PPIL1: variants seen among roughly 807,000 people sequenced by gnomAD.
The protein encoded by PPIL1 is peptidyl-prolyl cis-trans isomerase-like 1.
In PPIL1, 14 loss-of-function variants were observed where a neutral mutation model predicts 19.4. The ratio of observed to expected loss-of-function variants is 0.72; its 90% CI spans 0.48 to 1.13. The LOEUF (loss-of-function observed/expected upper bound fraction) is 1.13. Among genes scored for constraint, PPIL1 ranks in the 50% most tolerant of loss-of-function variants. PPIL1 has a pLI of 0.00. For synonymous variants in PPIL1, 72 were observed against 73.6 expected (o/e 0.98, Z 0.11); for missense variants, 192 against 218.0 (o/e 0.88, Z 0.75).
At chr6:36,864,355 ACT>A (rs1774353960) in intron 2 of PPIL1, among the ~76,000 whole-genome samples, 2 of 151,658 alleles carry the variant, frequency 1.3e-5, no homozygotes, top group Non-Finnish European at 2.9e-5. Context: ...ATCTCCTGCC[ACT>A]CTCTCAGGTG....
intron 2 of PPIL1, among the ~76,000 whole-genome samples, chr6:36,860,922 A>G (rs1056007230): frequency 6.6e-6 from 1 of 151,834 alleles, no homozygotes; most frequent in Non-Finnish European, 1.5e-5. Context: ...TGTTTGAGAG[A>G]CTCATCTACT....
At position 36,874,794 on chromosome 6, in the gene PPIL1, C is replaced by T; in HGVS notation, c.-22G>A. ...CCATAGCGAAGCCGGCGGCGGAATG[C>T]TTGTCTAGTAATTGCTACTTCCGGC... On this transcript the variant is annotated 5_prime_UTR_variant, in exon 1 of 4. Transcript: ENST00000373699. 6.2e-7 allele frequency: 1 copy of T among 1,613,466 alleles called. No individual in the cohort carries two copies. Among genetic ancestry groups the T allele is most frequent in the Middle Eastern group, 1.7e-4 (1 of 6,058 alleles).
intron 2 of PPIL1, among the ~76,000 whole-genome samples, chr6:36,867,201 G>A (rs1226150789): frequency 6.6e-6 from 1 of 152,178 alleles, no homozygotes. Flanking sequence ...CCCTAGCTCA[G>A]AACACACATT....
chr6:36,872,315 G>C (rs1774528545), intron 1 of PPIL1, among the ~76,000 whole-genome samples: 2 of 152,012 alleles, frequency 1.3e-5, no homozygotes, highest in African/African-American at 4.8e-5. Flanking sequence ...TAGGGACTGG[G>C]TAGATGGAAA....
intron 2 of PPIL1, among the ~76,000 whole-genome samples, chr6:36,865,713 C>G (rs367557686): frequency 6.6e-6 from 1 of 152,146 alleles, no homozygotes; most frequent in Non-Finnish European, 1.5e-5. Context: ...TAATCCACAC[C>G]GTACTATCAT....
chr6:36,874,450 T>TTGAA lies in PPIL1; in HGVS notation c.56+263_56+266dup, dbSNP rs147444607. On this transcript the variant is annotated intron_variant, in intron 1 of 3. Transcript: ENST00000373699. ...GGCTTGCGGACTCATTACACGTTTG[T>TTGAA]TGAATGAATGAATGAATGAATGAGC... Among the ~76,000 whole-genome samples, 897 of 152,268 alleles carry TTGAA rather than the reference T, an allele frequency of 5.9e-3. 6 individuals are homozygous for TTGAA. The highest frequency in any genetic ancestry group is 0.017 in the African/African-American group (712 of 41,540).
chr6:36,869,155 T>G (rs1162794829), intron 2 of PPIL1, among the ~76,000 whole-genome samples: 1 of 152,020 alleles, frequency 6.6e-6, no homozygotes, highest in Non-Finnish European at 1.5e-5. Flanking sequence ...CAGCTAATTT[T>G]TTATTTTTTG....
At chr6:36,859,647 A>C (rs1774239527) in intron 2 of PPIL1, among the ~76,000 whole-genome samples, 1 of 152,162 alleles carries the variant, frequency 6.6e-6, no homozygotes, top group South Asian at 2.1e-4. Flanking sequence ...ACGTGGAATA[A>C]GTGAGAGGTG....
intron 2 of PPIL1, among the ~76,000 whole-genome samples, chr6:36,863,850 T>C (rs1774340136): frequency 6.6e-6 from 1 of 151,780 alleles, no homozygotes; most frequent in Admixed American, 6.6e-5. Flanking sequence ...GCTGTCTTCC[T>C]TTGGCTTCCA....
chr6:36,872,073 A>T, intron 1 of PPIL1: 1 of 461,932 alleles, frequency 2.2e-6, no homozygotes, highest in East Asian at 4.0e-5. Flanking sequence ...TAAAACACGC[A>T]GGTGTTCTGG....
chr6:36,865,930 T>TC (rs1774385750), intron 2 of PPIL1, among the ~76,000 whole-genome samples: 1 of 152,208 alleles, frequency 6.6e-6, no homozygotes, highest in African/African-American at 2.4e-5. Context: ...AGCTTGCTGT[T>TC]CAACACGTTA....
chr6:36,857,703 G>C (rs546206525), intron 2 of PPIL1, among the ~76,000 whole-genome samples: 1 of 151,302 alleles, frequency 6.6e-6, no homozygotes, highest in South Asian at 2.1e-4. Flanking sequence ...GGACTGCTTT[G>C]AGCCCAGGAG....
intron 2 of PPIL1, among the ~76,000 whole-genome samples, chr6:36,859,811 T>TG (rs1774242627): frequency 1.4e-5 from 2 of 144,884 alleles, no homozygotes; most frequent in African/African-American, 5.2e-5. Context: ...CTGTTTTCTA[T>TG]TGTGTGTGTG....
At chr6:36,862,014 C>T (rs902668286) in intron 2 of PPIL1, among the ~76,000 whole-genome samples, 4 of 152,088 alleles carry the variant, frequency 2.6e-5, no homozygotes, top group African/African-American at 9.7e-5. Flanking sequence ...TTCTTAAAAA[C>T]AAAACACAAA....
chr6:36,873,650 G>A (rs1406949338), intron 1 of PPIL1, among the ~76,000 whole-genome samples: 1 of 152,182 alleles, frequency 6.6e-6, no homozygotes, highest in African/African-American at 2.4e-5. Context: ...ATTACAGGTT[G>A]GAGCCTGAAG....
rs185186786 is a variant in PPIL1, at chr6:36,871,698, T to C, written c.211+20A>G. ...GAGAAAAAAAAAAGAAAACATAAAC[T>C]AATGTTGGCTTAACTGTACCTGTCC... On this transcript the variant is annotated intron_variant, in intron 2 of 3. Coordinates refer to ENST00000373699, the MANE Select transcript of PPIL1 (RefSeq NM_016059.5). 428 of 1,571,906 alleles carry C rather than the reference T, an allele frequency of 2.7e-4. 3 individuals are homozygous for C. Among genetic ancestry groups the C allele is most frequent in the Non-Finnish European group, 9.2e-5 (107 of 1,166,476 alleles).
chr6:36,868,625 C>A (rs1685400061), intron 2 of PPIL1, among the ~76,000 whole-genome samples: 1 of 152,114 alleles, frequency 6.6e-6, no homozygotes, highest in African/African-American at 2.4e-5. Flanking sequence ...ATCACTTAGG[C>A]CCAGGAGTTT....
At chr6:36,861,745 G>A (rs1186524690) in intron 2 of PPIL1, among the ~76,000 whole-genome samples, 3 of 148,118 alleles carry the variant, frequency 2.0e-5, no homozygotes, top group African/African-American at 7.5e-5. Context: ...GGCCCAGGCT[G>A]GAGTGCAATG....
chr6:36,858,820 A>G (rs1774219627), intron 2 of PPIL1, among the ~76,000 whole-genome samples: 1 of 151,904 alleles, frequency 6.6e-6, no homozygotes, highest in African/African-American at 2.4e-5. Flanking sequence ...CTCTGACTCA[A>G]TCCTCCCCTT....
Sources: gnomAD v4.1 joint callset for allele counts (sites outside exome capture counted in the v4.1 genomes callset) on GRCh38, gnomAD v4.1.1 for gene constraint, MANE v1.5 for transcripts, NCBI Gene and HGNC (gene_info 2026-07-23, HGNC 2026-07-21) for gene names.